The following SEMA6D variants were observed in gnomAD, a reference collection of about 807,000 sequenced individuals.
The protein encoded by SEMA6D is semaphorin 6D.
In SEMA6D, 35 loss-of-function variants were observed where a neutral mutation model predicts 106.6. The observed-to-expected ratio is 0.33, with a 90% CI of 0.25 to 0.44. The LOEUF (loss-of-function observed/expected upper bound fraction) is 0.44, where lower values mean the gene tolerates loss of function less well. Among genes scored for constraint, SEMA6D ranks in the 20% least tolerant of loss-of-function variants. SEMA6D has a pLI of 1.00. For synonymous variants in SEMA6D, 499 were observed against 487.7 expected (o/e 1.02, Z -0.31); for missense variants, 1,185 against 1,345.9 (o/e 0.88, Z 1.87).
intron 4 of SEMA6D, among the ~76,000 whole-genome samples, chr15:47,693,713 T>C (rs1391284215): frequency 7.9e-5 from 12 of 152,028 alleles, no homozygotes; most frequent in Non-Finnish European, 1.8e-4. Flanking sequence ...GGAGGGAGAA[T>C]TGCTTGAGGT....
intron 1 of SEMA6D, among the ~76,000 whole-genome samples, chr15:47,349,112 C>CT (rs59705051): frequency 2.1e-3 from 313 of 147,544 alleles, no homozygotes; most frequent in South Asian, 3.5e-3. Flanking sequence ...TGAGGCTTAC[C>CT]TTTTTTTTTT....
chr15:47,574,848 A>G (rs2076129118), intron 3 of SEMA6D, among the ~76,000 whole-genome samples: 1 of 152,194 alleles, frequency 6.6e-6, no homozygotes, highest in Non-Finnish European at 1.5e-5. Flanking sequence ...CACATTATTA[A>G]GAATAATCAA....
chr15:47,314,597 C>CAAAAAAAAAAAAAAAAA (rs764929520), intron 1 of SEMA6D, among the ~76,000 whole-genome samples: 11 of 24,284 alleles, frequency 4.5e-4, no homozygotes, highest in East Asian at 9.6e-4. Context: ...GACTCCATCT[C>CAAAAAAAAAAAAAAAAA]AAAAAAAAAA....
intron 2 of SEMA6D, among the ~76,000 whole-genome samples, chr15:47,429,221 G>A (rs2140514207): frequency 6.6e-6 from 1 of 152,124 alleles, no homozygotes; most frequent in East Asian, 1.9e-4. Context: ...GAAGTTATAG[G>A]CTGGCCAACT....
chr15:47,636,353 A>G (rs2077388721), intron 4 of SEMA6D, among the ~76,000 whole-genome samples: 1 of 152,224 alleles, frequency 6.6e-6, no homozygotes, highest in Non-Finnish European at 1.5e-5. Context: ...CCAGTGTACA[A>G]TGCAAAGAGG....
chr15:47,347,753 C>G (rs2038104054), intron 1 of SEMA6D, among the ~76,000 whole-genome samples: 1 of 152,130 alleles, frequency 6.6e-6, no homozygotes. Context: ...CATTGGAAAA[C>G]AAGTGGTCCC....
intron 1 of SEMA6D, among the ~76,000 whole-genome samples, chr15:47,307,739 C>T (rs1322636210): frequency 6.6e-6 from 1 of 152,190 alleles, no homozygotes; most frequent in Non-Finnish European, 1.5e-5. Context: ...TGGTTTTCGT[C>T]TATATCTTCC....
At chr15:47,454,287 G>A (rs16959537) in intron 2 of SEMA6D, among the ~76,000 whole-genome samples, 32,344 of 151,836 alleles carry the variant, frequency 0.21, 4,239 homozygotes, top group African/African-American at 0.36. Flanking sequence ...GAGTGAAGCA[G>A]CTTTTTCTCT....
intron 4 of SEMA6D, among the ~76,000 whole-genome samples, chr15:47,676,610 G>C (rs1429021064): frequency 6.6e-6 from 1 of 152,102 alleles, no homozygotes; most frequent in Non-Finnish European, 1.5e-5. Context: ...GAGATTAATG[G>C]CTCTCACTTG....
At chr15:47,552,514 A>G (rs769994388) in intron 3 of SEMA6D, among the ~76,000 whole-genome samples, 7 of 67,806 alleles carry the variant, frequency 1.0e-4, no homozygotes, top group East Asian at 5.9e-4. Context: ...GTGTGTGTGT[A>G]TATATATGTA....
At chr15:47,266,166 G>T (rs892441168) in intron 1 of SEMA6D, among the ~76,000 whole-genome samples, 7 of 152,048 alleles carry the variant, frequency 4.6e-5, no homozygotes, top group Admixed American at 6.6e-5. Flanking sequence ...CCACAGTTTT[G>T]CCTATCTCTC....
chr15:47,434,055 T>TG (rs2041623443), intron 2 of SEMA6D, among the ~76,000 whole-genome samples: 1 of 152,066 alleles, frequency 6.6e-6, no homozygotes, highest in African/African-American at 2.4e-5. Flanking sequence ...GTGGTGGTGT[T>TG]GAGGTGGCAG....
intron 1 of SEMA6D, among the ~76,000 whole-genome samples, chr15:47,740,176 C>A (rs996435676): frequency 1.3e-5 from 2 of 152,116 alleles, no homozygotes; most frequent in African/African-American, 4.8e-5. Flanking sequence ...CATTTTTCAG[C>A]CATTTTGTCA....
rs183669396 is a variant in SEMA6D, at chr15:47,584,548, T to C, written c.-86-16317T>C. ...CATAGCATCTCATGCAAATAGCCAT[T>C]TAATACTTGTGTTTGATGATCATGA... On this transcript the variant is annotated intron_variant, in intron 3 of 19. Transcript: ENST00000558014. Among the ~76,000 whole-genome samples, 693 of 152,316 alleles carry C rather than the reference T, an allele frequency of 4.5e-3. 21 individuals are homozygous for C. The highest frequency in any genetic ancestry group is 0.043 in the Admixed American group (651 of 15,298).
chr15:47,552,195 T>A (rs2045716044), intron 3 of SEMA6D, among the ~76,000 whole-genome samples: 1 of 152,122 alleles, frequency 6.6e-6, no homozygotes. Context: ...AACTGGTGGT[T>A]CTGAAGTCTA....
At chr15:47,461,827 A>G (rs2042521601) in intron 2 of SEMA6D, among the ~76,000 whole-genome samples, 1 of 151,972 alleles carries the variant, frequency 6.6e-6, no homozygotes, top group African/African-American at 2.4e-5. Flanking sequence ...AAATTTGTAA[A>G]ATGTGTGAAG....
chr15:47,639,364 TA>T (rs1287206181), intron 4 of SEMA6D, among the ~76,000 whole-genome samples: 1 of 152,120 alleles, frequency 6.6e-6, no homozygotes, highest in Non-Finnish European at 1.5e-5. Context: ...ACCCAAAATA[TA>T]AAATAAATAT....
chr15:47,410,775 T>G (rs1212692180), intron 1 of SEMA6D, among the ~76,000 whole-genome samples: 1 of 152,136 alleles, frequency 6.6e-6, no homozygotes, highest in Non-Finnish European at 1.5e-5. Context: ...AAACCTCTTA[T>G]GCACACTCAC....
At chr15:47,258,711 A>G (rs781384576) in intron 1 of SEMA6D, among the ~76,000 whole-genome samples, 1 of 152,074 alleles carries the variant, frequency 6.6e-6, no homozygotes, top group Non-Finnish European at 1.5e-5. Context: ...CAGCTTGCAG[A>G]CAACAGATGG....
Sources: allele counts gnomAD v4.1 joint callset (sites outside exome capture counted in the v4.1 genomes callset), GRCh38; gene constraint gnomAD v4.1.1; transcripts MANE v1.5; gene names NCBI Gene and HGNC (gene_info 2026-07-23, HGNC 2026-07-21).